Variants in PACS1 observed in about 807,000 individuals in gnomAD.
The protein encoded by PACS1 is PACS-1.
In PACS1, 24 loss-of-function variants were observed where a neutral mutation model predicts 115.0. The ratio of observed to expected loss-of-function variants is 0.21; its 90% confidence interval spans 0.15 to 0.29. The LOEUF is 0.29. Ranked by LOEUF, PACS1 falls within the 10% of genes least tolerant of loss-of-function variation. The pLI is 1.00. For missense variants in PACS1, 838 were observed against 1,251.2 expected (o/e 0.67, Z 4.98); for synonymous variants, 453 against 504.5 (o/e 0.90, Z 1.37).
chr11:66,193,627 G>A (rs1854582296), intron 2 of PACS1, 54 bp downstream of exon 2: 1 of 1,267,214 alleles, frequency 7.9e-7, no homozygotes, highest in Non-Finnish European at 1.2e-6. Flanking sequence ...ATAACCATTT[G>A]CCCACTGCTG....
At chr11:66,194,792 C>G (rs1854613084) in intron 2 of PACS1, among the ~76,000 whole-genome samples, 1 of 152,202 alleles carries the variant, frequency 6.6e-6, no homozygotes, top group Non-Finnish European at 1.5e-5. Context: ...ACCTACTATG[C>G]TGCAGTTTAT....
chr11:66,194,321 T>C (rs1317956997), intron 2 of PACS1, among the ~76,000 whole-genome samples: 1 of 152,202 alleles, frequency 6.6e-6, no homozygotes, highest in Non-Finnish European at 1.5e-5. Context: ...ATTTCAGACT[T>C]GGCAATTTAA....
At position 66,216,176 on chromosome 11, in the gene PACS1, G is replaced by A. The variant is rs1410478021; in HGVS notation, c.718G>A (p.Asp240Asn). ...GCTTGGCCTACACAGCAACGTGAAGGATGTCTCTGTGCCTGTGGCAGAAAT... is the reference window on the plus strand; with the variant it reads ...GCTTGGCCTACACAGCAACGTGAAGAATGTCTCTGTGCCTGTGGCAGAAAT... ...LVLGLHSNVKDVSVPVAEIKI... is the reference protein window; with the variant it reads ...LVLGLHSNVKNVSVPVAEIKI... Residue 240 changes from aspartate to asparagine, a missense_variant, in exon 5 of 24, where the codon GAT becomes AAT. Transcript: ENST00000320580. 6.2e-7 allele frequency: 1 copy of A among 1,614,026 alleles called. No homozygotes were observed. Among genetic ancestry groups the A allele is most frequent in the Non-Finnish European group, 8.5e-7 (1 of 1,179,988 alleles).
chr11:66,195,405 G>A (rs973000456), intron 2 of PACS1, among the ~76,000 whole-genome samples: 2 of 152,052 alleles, frequency 1.3e-5, no homozygotes, highest in Admixed American at 6.6e-5. Context: ...CTCCTCTCCC[G>A]ATTTTGGTCC....
At position 66,243,737 on chromosome 11, in the gene PACS1, A is replaced by C; in HGVS notation, c.*457A>C. On this transcript the variant is annotated 3_prime_UTR_variant, in exon 24 of 24. Coordinates refer to ENST00000320580, the MANE Select transcript of PACS1 (RefSeq NM_018026.4). ...TAGGATGCAGCTGCCAGATCCACTC[A>C]CTCTGCTGCCTCCAGCAGGACCCAA... is the stretch of plus-strand genomic sequence containing the variant. The C allele has an allele frequency of 1.2e-5, 2 of 162,084 alleles. No homozygotes were observed. Among genetic ancestry groups the C allele is most frequent in the Admixed American group, 6.0e-5 (1 of 16,754 alleles). 10.0% of individuals were successfully genotyped at this position (162,084 alleles called of 1,614,324 possible).
rs773989282 is a variant in PACS1 at position 66,219,660 on chromosome 11, G to A, written c.979-86G>A. ...TTCGTGTCTTCCCACAGCTCGTCATGAAAGTGGGCTCTGGTGGGTGTTTAT... is the reference window on the plus strand; with the variant it reads ...TTCGTGTCTTCCCACAGCTCGTCATAAAAGTGGGCTCTGGTGGGTGTTTAT... On this transcript the variant is annotated intron_variant, in intron 7 of 23. Transcript: ENST00000320580. 2.0e-5 allele frequency: 20 copies of A among 982,466 alleles called. No homozygotes were observed. In the Admixed American group the frequency reaches 3.4e-4, roughly 17 times the overall value. The allele number at this position is 982,466 out of a possible 1,614,324, so 60.9% of individuals were successfully genotyped here.
intron 1 of PACS1, among the ~76,000 whole-genome samples, chr11:66,122,773 C>A (rs1409652196): frequency 6.6e-6 from 1 of 152,204 alleles, no homozygotes; most frequent in African/African-American, 2.4e-5. Flanking sequence ...AAAATTTGAA[C>A]AGATGTTTCT....
chr11:66,127,139 C>A (rs373074981), intron 1 of PACS1, among the ~76,000 whole-genome samples: 1 of 152,178 alleles, frequency 6.6e-6, no homozygotes, highest in Non-Finnish European at 1.5e-5. Flanking sequence ...ACAAGGAGAA[C>A]GGGAAGGCCC....
intron 1 of PACS1, among the ~76,000 whole-genome samples, chr11:66,123,080 C>G (rs1858480627): frequency 6.6e-6 from 1 of 152,122 alleles, no homozygotes; most frequent in Non-Finnish European, 1.5e-5. Context: ...CACAGATACC[C>G]CAACCTTTAG....
At chr11:66,203,658 C>T (rs1478189713) in intron 2 of PACS1, among the ~76,000 whole-genome samples, 1 of 152,078 alleles carries the variant, frequency 6.6e-6, no homozygotes, top group Non-Finnish European at 1.5e-5. Flanking sequence ...AAACAAACAC[C>T]TACACCAATG....
Position 66,236,020 on chromosome 11 carries a change from A to AT in PACS1, c.2250+82dup. The AT allele has an allele frequency of 7.7e-7, 1 of 1,298,906 alleles. No homozygotes were observed. Among genetic ancestry groups the AT allele is most frequent in the East Asian group, 2.3e-5 (1 of 43,430 alleles). The allele number at this position is 1,298,906 out of a possible 1,614,324, so 80.5% of individuals were successfully genotyped here. ...TCCCCCTTACACAGGAAAACAAAAG[A>AT]TTCATCTAGAACAGTGGTTCTCCAG... is the stretch of plus-strand genomic sequence containing the variant. On this transcript the variant is annotated intron_variant, in intron 19 of 23. Transcript: ENST00000320580. This position sits in a 1 kb window ranked among gnomAD's most constrained non-coding sequence, Gnocchi z 4.2.
intron 1 of PACS1, among the ~76,000 whole-genome samples, chr11:66,141,952 C>T (rs1859002159): frequency 6.6e-6 from 1 of 151,840 alleles, no homozygotes; most frequent in African/African-American, 2.4e-5. Flanking sequence ...ATTATAGGCG[C>T]CCACCACCAC....
At chr11:66,072,381 G>A (rs1160538620) in intron 1 of PACS1, among the ~76,000 whole-genome samples, 1 of 152,112 alleles carries the variant, frequency 6.6e-6, no homozygotes, top group Admixed American at 6.5e-5. Context: ...TTGTGCAGAA[G>A]TTTCTTTAGG....
chr11:66,231,063 C>T, intron 13 of PACS1, 123 bp downstream of exon 13: 1 of 1,233,462 alleles, frequency 8.1e-7, no homozygotes, highest in Non-Finnish European at 1.2e-6. Flanking sequence ...ATGCTCTGAA[C>T]AAAAACTCTT....
At chr11:66,106,200 C>T (rs930411904) in intron 1 of PACS1, among the ~76,000 whole-genome samples, 2 of 151,926 alleles carry the variant, frequency 1.3e-5, no homozygotes, top group Non-Finnish European at 2.9e-5. Flanking sequence ...GAGGCTGAGG[C>T]GGAAGGAGCA....
chr11:66,077,702 T>TG (rs1857420132), intron 1 of PACS1, among the ~76,000 whole-genome samples: 1 of 56,414 alleles, frequency 1.8e-5, no homozygotes, highest in African/African-American at 4.2e-5. Flanking sequence ...ATTGTAAGTT[T>TG]GTTTTTTTTT....
At chr11:66,205,694 A>G (rs1387725001) in intron 2 of PACS1, among the ~76,000 whole-genome samples, 2 of 145,694 alleles carry the variant, frequency 1.4e-5, no homozygotes, top group Non-Finnish European at 1.5e-5. Flanking sequence ...GGATCTCACT[A>G]TGTTGCCCAG....
At position 66,090,239 on chromosome 11, in the gene PACS1, TTTCTC is replaced by T. The variant is rs1254163783; in HGVS notation, c.356+19407_356+19411del. 3.9e-4 allele frequency among the ~76,000 whole-genome samples: 59 copies of T among 151,250 alleles called. 1 individual carries two copies. The highest frequency in any genetic ancestry group is 1.9e-3 in the East Asian group (10 of 5,160). On this transcript the variant is annotated intron_variant, in intron 1 of 23. Transcript: ENST00000320580. ...GCTTGGCTTTTCTTTTCTTCTTTTC[TTTCTC>T]TTCTCTTCTTTTCTCTTCTTTCCTT...
intron 1 of PACS1, among the ~76,000 whole-genome samples, chr11:66,180,308 T>C (rs1859974372): frequency 6.6e-6 from 1 of 152,082 alleles, no homozygotes; most frequent in Non-Finnish European, 1.5e-5. Flanking sequence ...TAATACACAG[T>C]CATACATTTA....
Sources: allele counts gnomAD v4.1 joint callset (sites outside exome capture counted in the v4.1 genomes callset), GRCh38; gene constraint gnomAD v4.1.1; non-coding constraint Gnocchi (gnomAD v3.1); transcripts MANE v1.5; gene names NCBI Gene and HGNC (gene_info 2026-07-23, HGNC 2026-07-21).